CCAR2: variants seen among roughly 807,000 people sequenced by gnomAD.
CCAR2 encodes the protein cell cycle and apoptosis regulator 2, also known as cell cycle and apoptosis regulator protein 2.
Under a neutral mutation model 108.1 loss-of-function variants are expected in CCAR2, and 21 were observed. That is an observed-to-expected ratio of 0.19 (90% CI 0.14 to 0.28). The LOEUF is 0.28. CCAR2 is among the 10% of genes least tolerant of loss of function. The pLI is 1.00. For synonymous variants in CCAR2, 577 were observed against 472.8 expected (o/e 1.22, Z -2.86); for missense variants, 1,126 against 1,177.0 (o/e 0.96, Z 0.63).
rs928650687 is a variant in CCAR2 at position 22,606,758 on chromosome 8, C to G, written c.242+60C>G. ...TATTGGATTCAGTTCTGTCACCATG[C>G]TGGTATTGCCCCCACCCGCCTCAAA... On this transcript the variant is annotated intron_variant, in intron 4 of 20. Coordinates refer to ENST00000308511, the MANE Select transcript of CCAR2 (RefSeq NM_001393997.1). The G allele has an allele frequency of 4.7e-6, 7 of 1,482,096 alleles. No individual in the cohort carries two copies. The African/African-American group carries it at 9.7e-5, about 20-fold the overall frequency. 91.8% of individuals were successfully genotyped at this position (1,482,096 alleles called of 1,614,324 possible).
Position 22,607,335 on chromosome 8 carries a change from A to G in CCAR2, c.487+10A>G, listed in dbSNP as rs768501535. On this transcript the variant is annotated intron_variant, in intron 6 of 20. Transcript: ENST00000308511. ...CTCTTTCCTCAGAAGCGTGAGTACG[A>G]GTGGCACTGTTGTTGGGTGTGGCAT... 1.2e-6 allele frequency: 2 copies of G among 1,609,098 alleles called. No individual in the cohort carries two copies. Among genetic ancestry groups the G allele is most frequent in the African/African-American group, 1.3e-5 (1 of 74,948 alleles).
intron 6 of CCAR2, 115 bp downstream of exon 6, chr8:22,607,440 G>A: frequency 2.4e-6 from 3 of 1,271,642 alleles, no homozygotes; most frequent in Admixed American, 2.4e-5. Flanking sequence ...CTGGAAGAAA[G>A]GTGGGCAATC....
chr8:22,612,796 TG>T (rs2117440638), intron 7 of CCAR2: 2 of 467,816 alleles, frequency 4.3e-6, no homozygotes, highest in African/African-American at 4.0e-5. Flanking sequence ...GTGTATACAA[TG>T]TTGCAGAGTG....
At chr8:22,608,171 C>G in intron 7 of CCAR2, 106 bp downstream of exon 7, 1 of 850,700 alleles carries the variant, frequency 1.2e-6, no homozygotes, top group South Asian at 1.7e-5. Context: ...AGGTCAACTG[C>G]TTGGAAGGTG....
chr8:22,612,145 C>G (rs890186054), intron 7 of CCAR2, among the ~76,000 whole-genome samples: 1 of 152,176 alleles, frequency 6.6e-6, no homozygotes, highest in African/African-American at 2.4e-5. Flanking sequence ...TAGGGTTTCA[C>G]CGTGTTGGCC....
chr8:22,616,647 C>G (rs973420345), intron 14 of CCAR2: 26 of 190,952 alleles, frequency 1.4e-4, no homozygotes, highest in Non-Finnish European at 2.7e-4. Context: ...GAAACGCCGT[C>G]TCTACTAAAA....
At position 22,607,020 on chromosome 8, in the gene CCAR2, A is replaced by G. The variant is rs749221278; in HGVS notation, c.353A>G (p.Asn118Ser). The G allele has an allele frequency of 1.9e-6, 3 of 1,614,036 alleles. No homozygotes were observed. Among genetic ancestry groups the G allele is most frequent in the Admixed American group, 1.7e-5 (1 of 59,998 alleles). ...WNAVKVQTLS[N>S]QPLLKSPAPP... is the part of the protein sequence containing the mutation. ...GCTGTCAAGGTGCAAACGCTCTCCA[A>G]CCAGGTATTCATATCTCCTTAGCAT... The change falls in exon 5 of 21, where the codon AAC (asparagine) becomes AGC (serine). Residue 118 changes from asparagine to serine, a missense_variant. Transcript: ENST00000308511.
intron 14 of CCAR2, among the ~76,000 whole-genome samples, chr8:22,617,175 A>G (rs1801556265): frequency 6.6e-6 from 1 of 151,944 alleles, no homozygotes; most frequent in African/African-American, 2.4e-5. Flanking sequence ...ACTATCAATC[A>G]AATGAATGTA....
rs774452604 is a variant in CCAR2 at position 22,615,690 on chromosome 8, G to A, written c.1386G>A (p.Glu462=). ...PPTQEAQGET[E]PTEQAPDALE... ...TTCAGCTGTTGTCACAGGAAACGGA[G>A]CCTACTGAACAGGCACCTGATGCCT... Residue 462 remains glutamate (E), a synonymous_variant, in exon 13 of 21, where the codon GAG becomes GAA. Coordinates refer to ENST00000308511, the MANE Select transcript of CCAR2 (RefSeq NM_001393997.1). The A allele has an allele frequency of 2.5e-6, 4 of 1,613,694 alleles. No individual in the cohort carries two copies. The Admixed American group carries it at 6.7e-5, about 27-fold the overall frequency.
intron 14 of CCAR2, 39 bp downstream of exon 14, chr8:22,616,287 C>T (rs199830350): frequency 4.9e-5 from 77 of 1,571,428 alleles, no homozygotes; most frequent in African/African-American, 9.5e-5. Flanking sequence ...TAGTGCTTAC[C>T]GTGACCGCGC....
intron 16 of CCAR2, 30 bp downstream of exon 16, chr8:22,617,808 TCA>T: frequency 6.2e-7 from 1 of 1,607,886 alleles, no homozygotes; most frequent in Non-Finnish European, 8.5e-7. Context: ...ACTCTGGGTC[TCA>T]GTGGTGGTGA....
intron 7 of CCAR2, among the ~76,000 whole-genome samples, chr8:22,608,892 C>T (rs1394757334): frequency 6.6e-6 from 1 of 152,222 alleles, no homozygotes; most frequent in East Asian, 1.9e-4. Context: ...CAAGTATCAG[C>T]TACCATTCTT....
chr8:22,608,006 G>C lies in CCAR2; in HGVS notation c.525G>C (p.Leu175=). 6.2e-7 allele frequency: 1 copy of C among 1,614,004 alleles called. No individual in the cohort carries two copies. The highest frequency in any genetic ancestry group is 8.5e-7 in the Non-Finnish European group (1 of 1,180,008). ...TCCAAACATCCCACACACTTCACCT[G>C]AGCCACCTGAACAGATTTCCTGCCC... The part of the protein sequence containing the change: ...SLFQTSHTLH[L]SHLNRFPARG... The change falls in exon 7 of 21, where the codon CTG becomes CTC. Residue 175 remains leucine (L), a synonymous_variant. Transcript: ENST00000308511.
In CCAR2 at chr8:22,614,850, A is replaced by C. The variant is rs774355485; in HGVS notation, c.1054A>C (p.Arg352=). 1.9e-6 allele frequency: 3 copies of C among 1,612,050 alleles called. No individual in the cohort carries two copies. The South Asian group carries it at 3.3e-5, about 18-fold the overall frequency. ...PLKQIKFLLG[R]KEEEAVLVGG... The stretch of plus-strand genomic sequence containing the variant: ...TCTCTTCTTGCAGTTTTTGCTGGGC[A>C]GGAAAGAAGAGGAGGCAGTGCTGGT... Residue 352 remains arginine (R), a synonymous_variant, in exon 11 of 21, where the codon AGG becomes CGG. Transcript: ENST00000308511.
chr8:22,620,323 A>T lies in CCAR2; in HGVS notation c.*641A>T, dbSNP rs1801727191. The T allele has an allele frequency of 6.7e-6, 1 of 150,188 alleles. No individual in the cohort carries two copies. The highest frequency in any genetic ancestry group is 2.1e-4 in the South Asian group (1 of 4,732). 9.3% of individuals were successfully genotyped at this position (150,188 alleles called of 1,614,324 possible). ...GTGGCTCCTGTGTTCAGAATGTGGT[A>T]TTGGCTCTGGCCCAGCCTTCTCCCC... On this transcript the variant is annotated 3_prime_UTR_variant, in exon 21 of 21. Coordinates refer to ENST00000308511, the MANE Select transcript of CCAR2 (RefSeq NM_001393997.1).
chr8:22,616,282 C>T (rs201372833), intron 14 of CCAR2, 34 bp downstream of exon 14: 17 of 1,586,100 alleles, frequency 1.1e-5, no homozygotes, highest in Non-Finnish European at 1.5e-5. Context: ...TGTCATAGTG[C>T]TTACCGTGAC....
At position 22,607,221 on chromosome 8, in the gene CCAR2, C is replaced by T; in HGVS notation, c.383C>T (p.Pro128Leu). 6.2e-7 allele frequency: 1 copy of T among 1,614,066 alleles called. No individual in the cohort carries two copies. The highest frequency in any genetic ancestry group is 8.5e-7 in the Non-Finnish European group (1 of 1,179,994). The stretch of plus-strand genomic sequence containing the variant: ...CCCCTACTGAAGTCCCCAGCACCTC[C>T]TCTTCTGCATGTAGCAGCCCTGGGC... ...NQPLLKSPAP[P>L]LLHVAALGQK... The change falls in exon 6 of 21, where the codon CCT becomes CTT. Residue 128 changes from proline (P) to leucine (L), a missense_variant. Physicochemically the swap from Pro to Leu is moderately conservative, Grantham distance 98. Coordinates refer to ENST00000308511, the MANE Select transcript of CCAR2 (RefSeq NM_001393997.1).
At position 22,617,692 on chromosome 8, in the gene CCAR2, G is replaced by A. The variant is rs1323533298; in HGVS notation, c.1991-4G>A. On this transcript the variant is annotated splice_polypyrimidine_tract_variant and splice_region_variant and intron_variant, in intron 15 of 20. Coordinates refer to ENST00000308511, the MANE Select transcript of CCAR2 (RefSeq NM_001393997.1). ...GCTCTCCATTTATCTTGGCCTTTCTGTAGCAGGAGCAAAGCTGGAGGATTC... is the reference window on the plus strand; with the variant it reads ...GCTCTCCATTTATCTTGGCCTTTCTATAGCAGGAGCAAAGCTGGAGGATTC... 3 of 1,614,218 alleles carry A rather than the reference G, an allele frequency of 1.9e-6. No homozygotes were observed. In the South Asian group the frequency reaches 3.3e-5, roughly 18 times the overall value.
chr8:22,607,537 G>A (rs1434994644), intron 6 of CCAR2, among the ~76,000 whole-genome samples: 2 of 146,226 alleles, frequency 1.4e-5, no homozygotes, highest in Admixed American at 7.1e-5. Context: ...ACACGATCTC[G>A]GCTCATTGCA....
Sources: gnomAD v4.1 joint callset for allele counts (sites outside exome capture counted in the v4.1 genomes callset) on GRCh38, gnomAD v4.1.1 for gene constraint, MANE v1.5 for transcripts, NCBI Gene and HGNC (gene_info 2026-07-23, HGNC 2026-07-21) for gene names.